Variants in PIK3C2G observed in about 807,000 individuals in gnomAD.
PIK3C2G encodes phosphatidylinositol-4-phosphate 3-kinase catalytic subunit type 2 gamma.
PIK3C2G carries 168 observed loss-of-function variants against 181.1 expected under a neutral mutation model. The observed-to-expected ratio is 0.93, with a 90% CI of 0.82 to 1.05. The LOEUF (loss-of-function observed/expected upper bound fraction) is 1.05. PIK3C2G is among the 50% of genes least tolerant of loss of function. PIK3C2G has a pLI of 0.00. For synonymous variants in PIK3C2G, 573 were observed against 592.2 expected (o/e 0.97, Z 0.47); for missense variants, 1,869 against 1,732.8 (o/e 1.08, Z -1.40).
chr12:18,668,420 A>G, the PIK3C2G span, among the ~76,000 whole-genome samples: 1 of 152,214 alleles, frequency 6.6e-6, no homozygotes, highest in Non-Finnish European at 1.5e-5. Flanking sequence ...CTCATCCATC[A>G]GAAATCAAAT....
chr12:18,531,422 T>C (rs1943548704), intron 24 of PIK3C2G, among the ~76,000 whole-genome samples: 2 of 152,220 alleles, frequency 1.3e-5, no homozygotes, highest in Admixed American at 1.3e-4. Context: ...AGAATTACAG[T>C]ACAGTTCCTG....
intron 14 of PIK3C2G, among the ~76,000 whole-genome samples, chr12:18,383,987 ATT>A (rs71440366): frequency 8.0e-4 from 110 of 137,016 alleles, no homozygotes; most frequent in African/African-American, 3.0e-3. Context: ...TATTATTATT[ATT>A]TTTTTTTTTT....
At chr12:18,392,635 C>G (rs919913511) in intron 15 of PIK3C2G, among the ~76,000 whole-genome samples, 1 of 151,456 alleles carries the variant, frequency 6.6e-6, no homozygotes, top group African/African-American at 2.4e-5. Flanking sequence ...GCCTTTTTTC[C>G]CTCACTCTCT....
At chr12:18,705,417 T>G in the PIK3C2G span, 1 of 1,390,978 alleles carries the variant, frequency 7.2e-7, no homozygotes, top group South Asian at 1.2e-5. Context: ...ACTTCTAACG[T>G]TTAGTACCTT....
intron 5 of PIK3C2G, among the ~76,000 whole-genome samples, chr12:18,303,105 TCTTTCTTTCC>T (rs1436729059): frequency 1.1e-3 from 100 of 89,188 alleles, no homozygotes; most frequent in African/African-American, 3.2e-3. Context: ...TCTTTCTCTT[TCTTTCTTTCC>T]TTCTTTCTTT....
chr12:18,352,807 G>A (rs190964375), intron 11 of PIK3C2G, among the ~76,000 whole-genome samples: 7 of 152,200 alleles, frequency 4.6e-5, no homozygotes, highest in Non-Finnish European at 7.4e-5. Flanking sequence ...TTGAGATCCC[G>A]CTGTCAAGCC....
At chr12:18,405,871 T>C (rs1944500958) in intron 16 of PIK3C2G, among the ~76,000 whole-genome samples, 1 of 149,898 alleles carries the variant, frequency 6.7e-6, no homozygotes, top group Non-Finnish European at 1.5e-5. Context: ...CTCACAAACT[T>C]ATTTTTGTGT....
intron 26 of PIK3C2G, among the ~76,000 whole-genome samples, chr12:18,555,676 T>G (rs79785449): frequency 1.3e-5 from 2 of 152,294 alleles, no homozygotes; most frequent in East Asian, 3.9e-4. Flanking sequence ...ATGTTACATT[T>G]TTTTTACCTA....
At chr12:18,372,469 A>T (rs1304250347) in intron 13 of PIK3C2G, 1 of 152,192 alleles carries the variant, frequency 6.6e-6, no homozygotes, top group African/African-American at 2.4e-5. Context: ...TAAAAGCAAT[A>T]CCTACTGCTG....
In PIK3C2G at chr12:18,594,693, T is replaced by C. The variant is rs531177764; in HGVS notation, c.4087+124T>C. The stretch of plus-strand genomic sequence containing the variant: ...CTTTTTAAGAGTAAGACTTTAATAC[T>C]CTTTTCTAACCATTTCCATAGCGTA... On this transcript the variant is annotated intron_variant, in intron 30 of 32. Coordinates refer to ENST00000538779, the MANE Select transcript of PIK3C2G (RefSeq NM_001288772.2). 33 of 494,510 alleles carry C rather than the reference T, an allele frequency of 6.7e-5. No homozygotes were observed. The African/African-American group carries it at 6.7e-4, about 10-fold the overall frequency. The allele number at this position is 494,510 out of a possible 1,614,324, so 30.6% of individuals were successfully genotyped here. A position where few individuals can be genotyped will look rare whatever the true frequency, so the allele number is the denominator to read the frequency against.
chr12:18,647,327 G>T (rs1406173983), intron 32 of PIK3C2G, among the ~76,000 whole-genome samples: 1 of 151,454 alleles, frequency 6.6e-6, no homozygotes, highest in Non-Finnish European at 1.5e-5. Flanking sequence ...ACCAAGGGTA[G>T]AAAAACTACC....
intron 5 of PIK3C2G, among the ~76,000 whole-genome samples, chr12:18,297,058 T>G (rs920359569): frequency 1.3e-5 from 2 of 152,076 alleles, no homozygotes; most frequent in African/African-American, 4.8e-5. Flanking sequence ...GCCTTTCCAG[T>G]GAGCTCAAGG....
intron 31 of PIK3C2G, among the ~76,000 whole-genome samples, chr12:18,637,501 C>T (rs1294019649): frequency 6.6e-6 from 1 of 151,662 alleles, no homozygotes. Context: ...CATGCGTCTG[C>T]AGGAATCAGA....
intron 16 of PIK3C2G, among the ~76,000 whole-genome samples, chr12:18,408,128 A>G (rs1411675342): frequency 6.6e-6 from 1 of 152,192 alleles, no homozygotes; most frequent in Non-Finnish European, 1.5e-5. Flanking sequence ...GCTTCCATTA[A>G]GTCTTTGCCC....
chr12:18,625,877 T>A (rs995246292), intron 31 of PIK3C2G, among the ~76,000 whole-genome samples: 22 of 152,004 alleles, frequency 1.4e-4, no homozygotes, highest in Non-Finnish European at 5.9e-5. Context: ...GACTATTGTT[T>A]TTCATCCCCT....
the PIK3C2G span, chr12:18,683,155 GT>G: frequency 3.4e-6 from 4 of 1,179,854 alleles, no homozygotes; most frequent in Non-Finnish European, 5.0e-6. Flanking sequence ...TTTTCTTTAT[GT>G]TTAAAAAAGA....
At chr12:18,574,072 C>G (rs987735009) in intron 29 of PIK3C2G, among the ~76,000 whole-genome samples, 2 of 152,142 alleles carry the variant, frequency 1.3e-5, no homozygotes, top group African/African-American at 4.8e-5. Context: ...ATTTTCTTTA[C>G]TGTTAGGTTC....
intron 30 of PIK3C2G, among the ~76,000 whole-genome samples, chr12:18,602,343 C>T (rs1947772115): frequency 6.6e-6 from 1 of 151,960 alleles, no homozygotes; most frequent in African/African-American, 2.4e-5. Context: ...GACCCGGGAC[C>T]TCACGCCCAC....
intron 15 of PIK3C2G, among the ~76,000 whole-genome samples, chr12:18,391,956 T>C (rs1415875298): frequency 6.6e-6 from 1 of 152,074 alleles, no homozygotes; most frequent in Non-Finnish European, 1.5e-5. Context: ...TGAAAATTAA[T>C]GTAAAGGTTT....
Sources: allele counts gnomAD v4.1 joint callset (sites outside exome capture counted in the v4.1 genomes callset), GRCh38; gene constraint gnomAD v4.1.1; transcripts MANE v1.5; gene names NCBI Gene and HGNC (gene_info 2026-07-23, HGNC 2026-07-21).